The following TNFSF4 variants were observed in gnomAD, a reference collection of about 807,000 sequenced individuals.
TNFSF4 encodes tumor necrosis factor ligand superfamily member 4.
TNFSF4 carries 4 observed loss-of-function variants against 7.3 expected under a neutral mutation model. The ratio of observed to expected loss-of-function variants is 0.55; its 90% CI spans 0.27 to 1.25. TNFSF4 has a LOEUF of 1.25. TNFSF4 is among the 50% of genes most tolerant of loss of function. The pLI is 0.12. For synonymous variants in TNFSF4, 76 were observed against 83.7 expected (o/e 0.91, Z 0.50); for missense variants, 181 against 208.8 (o/e 0.87, Z 0.82).
At chr1:173,438,237 G>GA in the TNFSF4 span, among the ~76,000 whole-genome samples, 8 of 151,926 alleles carry the variant, frequency 5.3e-5, no homozygotes, top group Non-Finnish European at 1.0e-4. Context: ...TATACAACAT[G>GA]AAAAAAATAA....
the TNFSF4 span, among the ~76,000 whole-genome samples, chr1:173,422,112 C>T: frequency 3.3e-5 from 5 of 152,080 alleles, no homozygotes; most frequent in South Asian, 2.1e-4. Context: ...AACAAAGGAA[C>T]GTTTAAAGGA....
At chr1:173,356,687 T>C in the TNFSF4 span, among the ~76,000 whole-genome samples, 2 of 152,244 alleles carry the variant, frequency 1.3e-5, no homozygotes, top group African/African-American at 2.4e-5. Context: ...AAACTCACTC[T>C]CAGAGAGATG....
chr1:173,300,662 C>A, the TNFSF4 span, among the ~76,000 whole-genome samples: 1 of 151,324 alleles, frequency 6.6e-6, no homozygotes, highest in Non-Finnish European at 1.5e-5. Flanking sequence ...GAGTGCTCCA[C>A]CCCCACCCCA....
At chr1:173,205,240 T>C in intron 1 of TNFSF4, 3 of 1,570,684 alleles carry the variant, frequency 1.9e-6, no homozygotes, top group Non-Finnish European at 2.6e-6. Context: ...AACTCAAATA[T>C]ACCACCTATG....
the TNFSF4 span, among the ~76,000 whole-genome samples, chr1:173,385,813 G>A: frequency 6.6e-6 from 1 of 151,932 alleles, no homozygotes; most frequent in Non-Finnish European, 1.5e-5. Context: ...CTGCACTCCA[G>A]CCTGGGCAAC....
chr1:173,248,787 C>G, the TNFSF4 span, among the ~76,000 whole-genome samples: 1 of 152,120 alleles, frequency 6.6e-6, no homozygotes, highest in Non-Finnish European at 1.5e-5. Flanking sequence ...ACTCCCTGTT[C>G]GTCAGTGCAC....
At chr1:173,293,727 AG>A in the TNFSF4 span, among the ~76,000 whole-genome samples, 1 of 152,112 alleles carries the variant, frequency 6.6e-6, no homozygotes, top group South Asian at 2.1e-4. Flanking sequence ...CATCTGACAA[AG>A]GTCAATATTC....
the TNFSF4 span, among the ~76,000 whole-genome samples, chr1:173,435,284 T>A: frequency 6.6e-6 from 1 of 152,168 alleles, no homozygotes; most frequent in Non-Finnish European, 1.5e-5. Flanking sequence ...AATAAGAACA[T>A]TCTAAAACTT....
At chr1:173,300,099 G>GCAGA in the TNFSF4 span, among the ~76,000 whole-genome samples, 1 of 147,746 alleles carries the variant, frequency 6.8e-6, no homozygotes, top group African/African-American at 2.5e-5. Context: ...AAAATAGATG[G>GCAGA]TAGATAGATA....
At chr1:173,404,000 A>G in the TNFSF4 span, among the ~76,000 whole-genome samples, 1 of 152,212 alleles carries the variant, frequency 6.6e-6, no homozygotes, top group Non-Finnish European at 1.5e-5. Context: ...ATACCGGCAC[A>G]AAGAGACCTG....
chr1:173,390,925 T>C, the TNFSF4 span, among the ~76,000 whole-genome samples: 3 of 151,902 alleles, frequency 2.0e-5, no homozygotes, highest in African/African-American at 7.3e-5. Flanking sequence ...TTTGTATTTT[T>C]AGTAGAGACA....
the TNFSF4 span, among the ~76,000 whole-genome samples, chr1:173,387,233 G>A: frequency 6.6e-6 from 1 of 152,176 alleles, no homozygotes; most frequent in Admixed American, 6.5e-5. Context: ...AATTCATGTT[G>A]AAACTGAATC....
chr1:173,206,935 T>C, intron 1 of TNFSF4, 89 bp downstream of exon 1: 1 of 1,431,810 alleles, frequency 7.0e-7, no homozygotes, highest in Non-Finnish European at 9.4e-7. Flanking sequence ...ACTTTTGGCA[T>C]AAGATTATTT....
chr1:173,358,177 G>C, the TNFSF4 span, among the ~76,000 whole-genome samples: 274 of 152,258 alleles, frequency 1.8e-3, 10 homozygotes, highest in East Asian at 0.042. Context: ...GTAGGGTCAG[G>C]AACCAAGGAA....
the TNFSF4 span, among the ~76,000 whole-genome samples, chr1:173,294,517 G>C: frequency 1.3e-5 from 2 of 151,730 alleles, no homozygotes; most frequent in African/African-American, 4.8e-5. Flanking sequence ...CTGAGTGATG[G>C]GATCATTCAT....
the TNFSF4 span, among the ~76,000 whole-genome samples, chr1:173,329,223 T>C: frequency 1.2e-4 from 18 of 152,336 alleles, no homozygotes; most frequent in African/African-American, 4.3e-4. Context: ...AATTCACACA[T>C]GCTCAAGTCC....
At chr1:173,283,433 G>A in the TNFSF4 span, among the ~76,000 whole-genome samples, 1 of 152,124 alleles carries the variant, frequency 6.6e-6, no homozygotes, top group Admixed American at 6.6e-5. Context: ...GTCTAAATCA[G>A]AGATTCCCAC....
chr1:173,389,610 T>C, the TNFSF4 span, among the ~76,000 whole-genome samples: 4 of 152,164 alleles, frequency 2.6e-5, no homozygotes, highest in Non-Finnish European at 5.9e-5. Context: ...AAAGTCACCT[T>C]AGAGAATGAA....
the TNFSF4 span, among the ~76,000 whole-genome samples, chr1:173,243,449 C>T: frequency 6.6e-6 from 1 of 152,192 alleles, no homozygotes; most frequent in East Asian, 1.9e-4. Context: ...TCTCCTCACT[C>T]ACCACCCTGT....
Sources: allele counts gnomAD v4.1 joint callset (sites outside exome capture counted in the v4.1 genomes callset), GRCh38; gene constraint gnomAD v4.1.1; transcripts MANE v1.5; gene names NCBI Gene and HGNC (gene_info 2026-07-23, HGNC 2026-07-21).